Variants in SH3TC2 observed in about 807,000 individuals in gnomAD.
The protein encoded by SH3TC2 is SH3 domain and tetratricopeptide repeats 2.
SH3TC2 carries 87 observed loss-of-function variants against 124.5 expected under a neutral mutation model. The ratio of observed to expected loss-of-function variants is 0.70; its 90% CI spans 0.59 to 0.84. The LOEUF (loss-of-function observed/expected upper bound fraction) is 0.84, where lower values mean the gene tolerates loss of function less well. Ranked by LOEUF, SH3TC2 falls within the 40% of genes least tolerant of loss-of-function variation. The probability of loss-of-function intolerance (pLI) is 0.00; values close to 1 mark genes in which losing one functional copy is unlikely to be tolerated. For synonymous variants in SH3TC2, 634 were observed against 628.5 expected (o/e 1.01, Z -0.13); for missense variants, 1,536 against 1,566.4 (o/e 0.98, Z 0.33).
At position 149,048,209 on chromosome 5, in the gene SH3TC2, G is replaced by A. The variant is rs531719889; in HGVS notation, c.152-220C>T. ...CTGAACCCAGGAGGGCTCTGGAATC[G>A]CAGGAGTTGATGCACTCACGTTGTT... is the stretch of plus-strand genomic sequence containing the variant. On this transcript the variant is annotated intron_variant, in intron 2 of 16. Coordinates refer to ENST00000515425, the MANE Select transcript of SH3TC2 (RefSeq NM_024577.4). 5.6e-4 allele frequency among the ~76,000 whole-genome samples: 85 copies of A among 152,234 alleles called. 1 individual carries two copies. In the South Asian group the frequency reaches 0.01, roughly 19 times the overall value.
chr5:149,031,188 T>G (rs1754185837), intron 9 of SH3TC2, among the ~76,000 whole-genome samples: 1 of 152,098 alleles, frequency 6.6e-6, no homozygotes, highest in African/African-American at 2.4e-5. Context: ...TTCACAGCGG[T>G]AACATTTACA....
At chr5:149,044,149 A>G (rs1024041346) in intron 4 of SH3TC2, 2 of 225,644 alleles carry the variant, frequency 8.9e-6, no homozygotes, top group African/African-American at 4.6e-5. Flanking sequence ...GCTATTGACT[A>G]TGTTGAGCAG....
intron 7 of SH3TC2, among the ~76,000 whole-genome samples, chr5:149,038,835 G>A (rs1754325358): frequency 6.6e-6 from 1 of 152,198 alleles, no homozygotes; most frequent in Non-Finnish European, 1.5e-5. Flanking sequence ...GTCCTGGTTT[G>A]TCTGATTTTG....
intron 4 of SH3TC2, 99 bp from the exon 5 acceptor site, chr5:149,042,936 G>C: frequency 1.4e-6 from 2 of 1,425,090 alleles, no homozygotes; most frequent in Non-Finnish European, 9.8e-7. Flanking sequence ...TTGATTCCCA[G>C]ACCACAAGCC....
intron 1 of SH3TC2, among the ~76,000 whole-genome samples, chr5:149,055,651 T>A (rs1254191837): frequency 6.6e-6 from 1 of 152,180 alleles, no homozygotes; most frequent in South Asian, 2.1e-4. Flanking sequence ...AAAATATGCA[T>A]GCACTAAGAC....
intron 16 of SH3TC2, chr5:149,006,399 C>A (rs1043521909): frequency 2.0e-5 from 4 of 195,280 alleles, no homozygotes; most frequent in Non-Finnish European, 3.2e-5. Context: ...TATGCACCCA[C>A]ATTTCTCATA....
chr5:148,988,108 C>A lies in SH3TC2; in HGVS notation c.*16603G>T, dbSNP rs545751271. Reference sequence around the variant, plus strand: ...CATGTCTTAAGGACAAGGCTGGGTTCTTTTGGCCTTACTGGGTAATAAAAA... The same window carrying A: ...CATGTCTTAAGGACAAGGCTGGGTTATTTTGGCCTTACTGGGTAATAAAAA... On this transcript the variant is annotated 3_prime_UTR_variant, in exon 17 of 17. Transcript: ENST00000515425. Among the ~76,000 whole-genome samples, 1 of 152,224 alleles carries A rather than the reference C, an allele frequency of 6.6e-6. No homozygotes were observed. Among genetic ancestry groups the A allele is most frequent in the East Asian group, 1.9e-4 (1 of 5,172 alleles).
chr5:149,004,781 C>T lies in SH3TC2; in HGVS notation c.3797G>A (p.Trp1266Ter), dbSNP rs1330448692. Residue 1266 changes from tryptophan (W) to a stop codon, truncating the protein, a stop_gained, in exon 17 of 17, where the codon TGG becomes TAG. Coordinates refer to ENST00000515425, the MANE Select transcript of SH3TC2 (RefSeq NM_024577.4). LOFTEE classifies it high-confidence loss of function. ...GGAGCACCCGGAGGGCCTGCTGTGC[C>T]ACAGGGGGCTCTGGCAGATGTTGTC... ...RLDNICQSPL[W>*]HSRPSGCSSE... is the part of the protein sequence containing the mutation. 1.2e-6 allele frequency: 2 copies of T among 1,614,000 alleles called. No individual in the cohort carries two copies. Among genetic ancestry groups the T allele is most frequent in the East Asian group, 2.2e-5 (1 of 44,860 alleles).
In SH3TC2 at chr5:149,052,155, C is replaced by G; in HGVS notation, c.138G>C (p.Gln46His). Residue 46 changes from glutamine (Q) to histidine (H), a missense_variant, in exon 2 of 17, where the codon CAG becomes CAC. Gln to His is a conservative substitution (Grantham distance 24). Coordinates refer to ENST00000515425, the MANE Select transcript of SH3TC2 (RefSeq NM_024577.4). ...SEYKEKCFLP[Q>H]NINPDLTLSF... Reference sequence around the variant, plus strand: ...GCATTTGGATACCTGGATTAATGTTCTGTGGCAGAAAACATTTTTCCTTGT... The same window carrying G: ...GCATTTGGATACCTGGATTAATGTTGTGTGGCAGAAAACATTTTTCCTTGT... 3.1e-6 allele frequency: 5 copies of G among 1,610,336 alleles called. No individual in the cohort carries two copies. The highest frequency in any genetic ancestry group is 4.2e-6 in the Non-Finnish European group (5 of 1,176,608).
In SH3TC2 at chr5:148,983,090, C is replaced by T. The variant is rs1753276320; in HGVS notation, c.*21621G>A. Among the ~76,000 whole-genome samples the T allele has an allele frequency of 6.6e-6, 1 of 152,202 alleles. No homozygotes were observed. The highest frequency in any genetic ancestry group is 1.9e-4 in the East Asian group (1 of 5,198). Reference sequence around the variant, plus strand: ...GGAGAACTAGCAGGTGTTTTAAATACCTCCTGCTAGTCTCACCTTCTGGGA... The same window carrying T: ...GGAGAACTAGCAGGTGTTTTAAATATCTCCTGCTAGTCTCACCTTCTGGGA... On this transcript the variant is annotated 3_prime_UTR_variant, in exon 17 of 17. Transcript: ENST00000515425.
In SH3TC2 at chr5:149,063,016, C is replaced by T; in HGVS notation, c.7G>A (p.Gly3Ser). Reference sequence around the variant, plus strand: ...CGCTCCCTGGGGATGCAGAAGCAGCCACCCATGTGTGTACCATCCTACCCT... The same window carrying T: ...CGCTCCCTGGGGATGCAGAAGCAGCTACCCATGTGTGTACCATCCTACCCT... MG[G>S]CFCIPRERSL... The change falls in exon 1 of 17, where the codon GGC (glycine) becomes AGC (serine). Residue 3 changes from glycine to serine, a missense_variant. Coordinates refer to ENST00000515425, the MANE Select transcript of SH3TC2 (RefSeq NM_024577.4). 1 of 1,600,832 alleles carries T rather than the reference C, an allele frequency of 6.2e-7. No individual in the cohort carries two copies. The highest frequency in any genetic ancestry group is 2.2e-5 in the East Asian group (1 of 44,448).
At chr5:149,010,466 G>A (rs1180709876) in intron 13 of SH3TC2, 74 bp from the exon 14 acceptor site, 2 of 1,598,476 alleles carry the variant, frequency 1.3e-6, no homozygotes, top group African/African-American at 1.3e-5. Flanking sequence ...GCAGAGCTAA[G>A]ACGCAGACCA....
At chr5:149,013,493 T>C (rs1328904217) in intron 12 of SH3TC2, among the ~76,000 whole-genome samples, 1 of 152,196 alleles carries the variant, frequency 6.6e-6, no homozygotes, top group Non-Finnish European at 1.5e-5. Context: ...TTACAGTTAC[T>C]AATACAAAAT....
At position 149,007,085 on chromosome 5, in the gene SH3TC2, T is replaced by A; in HGVS notation, c.3479-8A>T. 1 of 1,613,902 alleles carries A rather than the reference T, an allele frequency of 6.2e-7. No homozygotes were observed. Among genetic ancestry groups the A allele is most frequent in the East Asian group, 2.2e-5 (1 of 44,888 alleles). On this transcript the variant is annotated splice_polypyrimidine_tract_variant and splice_region_variant and intron_variant, in intron 15 of 16. Coordinates refer to ENST00000515425, the MANE Select transcript of SH3TC2 (RefSeq NM_024577.4). ...GCTCTTGCCTCTGATCTCCTAAGAA[T>A]TGGAAGACTGAGAGAGATATCCTGC...
In SH3TC2 at chr5:149,003,252, T is replaced by C. The variant is rs1303598429; in HGVS notation, c.*1459A>G. On this transcript the variant is annotated 3_prime_UTR_variant, in exon 17 of 17. Coordinates refer to ENST00000515425, the MANE Select transcript of SH3TC2 (RefSeq NM_024577.4). ...AGTGACTCATTTATTATGAATTGAATAGGCAAGACTAAGGAGATGTCACTT... is the reference window on the plus strand; with the variant it reads ...AGTGACTCATTTATTATGAATTGAACAGGCAAGACTAAGGAGATGTCACTT... 2 of 152,276 alleles carry C rather than the reference T, an allele frequency of 1.3e-5. No individual in the cohort carries two copies. The highest frequency in any genetic ancestry group is 4.8e-5 in the African/African-American group (2 of 41,456). 9.4% of individuals were successfully genotyped at this position (152,276 alleles called of 1,614,324 possible).
At chr5:149,054,220 A>G (rs1754604538) in intron 1 of SH3TC2, among the ~76,000 whole-genome samples, 1 of 152,322 alleles carries the variant, frequency 6.6e-6, no homozygotes, top group Admixed American at 6.5e-5. Flanking sequence ...AAAAGAAAAA[A>G]TATTGCTTCA....
rs1423603954 is a variant in SH3TC2, at chr5:148,998,570, T to A, written c.*6141A>T. Reference sequence around the variant, plus strand: ...AGCTGGGTTCTCACCTTTGAAATCGTTTTGAAAGCACAGCATCCTTCCCTC... The same window carrying A: ...AGCTGGGTTCTCACCTTTGAAATCGATTTGAAAGCACAGCATCCTTCCCTC... On this transcript the variant is annotated 3_prime_UTR_variant, in exon 17 of 17. Coordinates refer to ENST00000515425, the MANE Select transcript of SH3TC2 (RefSeq NM_024577.4). Among the ~76,000 whole-genome samples the A allele has an allele frequency of 6.6e-6, 1 of 152,104 alleles. No homozygotes were observed. Among genetic ancestry groups the A allele is most frequent in the Non-Finnish European group, 1.5e-5 (1 of 68,014 alleles).
chr5:149,029,712 C>G (rs1013568674), intron 9 of SH3TC2, among the ~76,000 whole-genome samples: 1 of 152,076 alleles, frequency 6.6e-6, no homozygotes, highest in Non-Finnish European at 1.5e-5. Flanking sequence ...ACATAACCAC[C>G]TATTGCCACC....
rs13166730 is a variant in SH3TC2 at position 148,993,743 on chromosome 5, C to T, written c.*10968G>A. Among the ~76,000 whole-genome samples the T allele has an allele frequency of 0.11, 17,398 of 152,182 alleles. 1,283 individuals carry two copies. Among genetic ancestry groups the T allele is most frequent in the Non-Finnish European group, 0.17 (11,420 of 67,988 alleles). On this transcript the variant is annotated 3_prime_UTR_variant, in exon 17 of 17. Coordinates refer to ENST00000515425, the MANE Select transcript of SH3TC2 (RefSeq NM_024577.4). ...CAAGGGAGGCAGACTGAGACCATCA[C>T]TGTCACATGCTCACTTGAATAGCCA...
Sources: allele counts gnomAD v4.1 joint callset (sites outside exome capture counted in the v4.1 genomes callset), GRCh38; gene constraint gnomAD v4.1.1; transcripts MANE v1.5; gene names NCBI Gene and HGNC (gene_info 2026-07-23, HGNC 2026-07-21).